PTPRD: variants seen among roughly 807,000 people sequenced by gnomAD.
PTPRD encodes the protein receptor-type tyrosine-protein phosphatase delta.
PTPRD carries 34 observed loss-of-function variants against 214.5 expected under a neutral mutation model. That is an observed-to-expected ratio of 0.16 (90% CI 0.12 to 0.21). The LOEUF is 0.21. Among genes scored for constraint, PTPRD ranks in the 10% least tolerant of loss-of-function variants. The pLI is 1.00. For synonymous variants in PTPRD, 1,128 were observed against 845.7 expected (o/e 1.33, Z -5.79); for missense variants, 2,545 against 2,398.7 (o/e 1.06, Z -1.27).
At chr9:9,214,043 G>A (rs948142752) in intron 9 of PTPRD, among the ~76,000 whole-genome samples, 1 of 152,132 alleles carries the variant, frequency 6.6e-6, no homozygotes, top group Admixed American at 6.5e-5. Flanking sequence ...ATGTTCCAGT[G>A]CTTAACATCC....
At chr9:8,439,019 T>C (rs1283953859) in intron 34 of PTPRD, among the ~76,000 whole-genome samples, 1 of 152,200 alleles carries the variant, frequency 6.6e-6, no homozygotes, top group East Asian at 1.9e-4. Context: ...CACATCAGAA[T>C]ATATATACAT....
At chr9:9,772,596 C>T (rs1378018830) in intron 5 of PTPRD, among the ~76,000 whole-genome samples, 1 of 142,906 alleles carries the variant, frequency 7.0e-6, no homozygotes, top group Non-Finnish European at 1.5e-5. Flanking sequence ...CTAAAGCAAT[C>T]TATTGACCTG....
At chr9:9,235,443 GA>G (rs2099965991) in intron 9 of PTPRD, among the ~76,000 whole-genome samples, 2 of 152,260 alleles carry the variant, frequency 1.3e-5, no homozygotes, top group Non-Finnish European at 2.9e-5. Flanking sequence ...ACTCTTCATG[GA>G]ATGTAAGCAT....
At chr9:10,561,793 G>A (rs1174919755) in intron 2 of PTPRD, among the ~76,000 whole-genome samples, 1 of 152,026 alleles carries the variant, frequency 6.6e-6, no homozygotes, top group Non-Finnish European at 1.5e-5. Flanking sequence ...TGATCCATCA[G>A]CACTTCAGCT....
Position 10,422,705 on chromosome 9 carries a change from T to C in PTPRD, c.-599-81688A>G, listed in dbSNP as rs368857735. 6.9e-4 allele frequency among the ~76,000 whole-genome samples: 105 copies of C among 152,188 alleles called. No homozygotes were observed. The East Asian group carries it at 0.016, about 23-fold the overall frequency. On this transcript the variant is annotated intron_variant, in intron 2 of 45. Coordinates refer to ENST00000381196, the MANE Select transcript of PTPRD (RefSeq NM_002839.4). Reference sequence around the variant, plus strand: ...TGCTGCCAACAGACACTTAAAAAAGTGCTCGTCATCACTGGCCATCAGAGA... The same window carrying C: ...TGCTGCCAACAGACACTTAAAAAAGCGCTCGTCATCACTGGCCATCAGAGA...
chr9:8,883,909 T>C (rs1326186136), intron 11 of PTPRD, among the ~76,000 whole-genome samples: 1 of 152,142 alleles, frequency 6.6e-6, no homozygotes, highest in African/African-American at 2.4e-5. Flanking sequence ...TTCACAATTA[T>C]TTTCTCCCAC....
At chr9:8,885,054 A>G (rs1291828745) in intron 11 of PTPRD, among the ~76,000 whole-genome samples, 1 of 152,208 alleles carries the variant, frequency 6.6e-6, no homozygotes, top group African/African-American at 2.4e-5. Context: ...TGATAGTGCA[A>G]GTGAAGTGCT....
Position 9,475,091 on chromosome 9 carries a change from A to C in PTPRD, c.-236-77609T>G, listed in dbSNP as rs114903747. On this transcript the variant is annotated intron_variant, in intron 8 of 45. Coordinates refer to ENST00000381196, the MANE Select transcript of PTPRD (RefSeq NM_002839.4). ...CTCTAACTATAGCCAGGGGTGATACATACTACCAACTGAAGTCAGGCAATG... is the reference window on the plus strand; with the variant it reads ...CTCTAACTATAGCCAGGGGTGATACCTACTACCAACTGAAGTCAGGCAATG... Among the ~76,000 whole-genome samples, 1,424 of 152,312 alleles carry C rather than the reference A, an allele frequency of 9.3e-3. 17 individuals are homozygous for C. The highest frequency in any genetic ancestry group is 0.032 in the African/African-American group (1,351 of 41,574).
At chr9:8,727,863 T>C (rs768551035) in intron 12 of PTPRD, among the ~76,000 whole-genome samples, 5 of 152,176 alleles carry the variant, frequency 3.3e-5, no homozygotes, top group Non-Finnish European at 7.3e-5. Context: ...ATAATTCAAA[T>C]ACCATAAAGT....
chr9:8,899,619 G>T (rs1477145893), intron 11 of PTPRD, among the ~76,000 whole-genome samples: 1 of 152,188 alleles, frequency 6.6e-6, no homozygotes, highest in Non-Finnish European at 1.5e-5. Flanking sequence ...GTTGTGGGAA[G>T]GTTGTTGAGG....
At chr9:9,423,254 T>C (rs1040844814) in intron 8 of PTPRD, among the ~76,000 whole-genome samples, 3 of 152,110 alleles carry the variant, frequency 2.0e-5, no homozygotes, top group Non-Finnish European at 4.4e-5. Context: ...GAGATGGGGC[T>C]TTGGAAGTTA....
At chr9:8,369,263 T>C (rs565091351) in intron 39 of PTPRD, among the ~76,000 whole-genome samples, 11 of 152,134 alleles carry the variant, frequency 7.2e-5, no homozygotes, top group Non-Finnish European at 1.5e-4. Context: ...GTTTTTATGC[T>C]CTTATGCAAT....
chr9:8,358,426 G>T (rs1387714488), intron 39 of PTPRD, among the ~76,000 whole-genome samples: 1 of 152,098 alleles, frequency 6.6e-6, no homozygotes, highest in African/African-American at 2.4e-5. Context: ...CTCATTTTAT[G>T]AAAGAACCAG....
intron 5 of PTPRD, among the ~76,000 whole-genome samples, chr9:9,794,114 G>A (rs115435637): frequency 1.3e-5 from 2 of 151,020 alleles, no homozygotes; most frequent in Non-Finnish European, 2.9e-5. Context: ...GAGTTAGACA[G>A]ATAAACATCT....
intron 7 of PTPRD, among the ~76,000 whole-genome samples, chr9:9,643,715 C>T (rs1339845049): frequency 6.6e-6 from 1 of 152,090 alleles, no homozygotes; most frequent in East Asian, 1.9e-4. Flanking sequence ...ATAATGATAT[C>T]GCTGGATCAC....
At chr9:8,518,498 T>C in intron 20 of PTPRD, 69 bp from the exon 21 acceptor site, 6 of 1,098,380 alleles carry the variant, frequency 5.5e-6, no homozygotes, top group Non-Finnish European at 7.8e-6. Context: ...ATCTATAAAC[T>C]CTACTATGAA....
chr9:8,813,193 A>T (rs1245584728), intron 11 of PTPRD, among the ~76,000 whole-genome samples: 2 of 151,980 alleles, frequency 1.3e-5, no homozygotes, highest in Non-Finnish European at 2.9e-5. Context: ...AATGACCTGG[A>T]GGGTAGAATA....
chr9:8,905,387 A>G (rs1182568161), intron 11 of PTPRD, among the ~76,000 whole-genome samples: 1 of 151,928 alleles, frequency 6.6e-6, no homozygotes, highest in East Asian at 1.9e-4. Context: ...CTCCAGATGC[A>G]CTGCACTTCC....
intron 8 of PTPRD, among the ~76,000 whole-genome samples, chr9:9,478,383 T>A (rs958827131): frequency 9.2e-5 from 14 of 152,168 alleles, no homozygotes; most frequent in African/African-American, 3.4e-4. Context: ...TGAATAACAA[T>A]AGTAAAAATA....
Sources: allele counts gnomAD v4.1 joint callset (sites outside exome capture counted in the v4.1 genomes callset), GRCh38; gene constraint gnomAD v4.1.1; transcripts MANE v1.5; gene names NCBI Gene and HGNC (gene_info 2026-07-23, HGNC 2026-07-21).